ROCK2: variants seen among roughly 807,000 people sequenced by gnomAD.
ROCK2 encodes the protein rho-associated protein kinase 2.
In ROCK2, 61 loss-of-function variants were observed where a neutral mutation model predicts 195.1. The ratio of observed to expected loss-of-function variants is 0.31; its 90% confidence interval spans 0.25 to 0.39. ROCK2 has a LOEUF of 0.39. Among genes scored for constraint, ROCK2 ranks in the 10% least tolerant of loss-of-function variants. The pLI, the probability that ROCK2 is intolerant of heterozygous loss-of-function variation, is 1.00. For missense variants in ROCK2, 1,109 were observed against 1,637.4 expected, an observed-to-expected ratio of 0.68 and a Z score of 5.57; for synonymous variants, 504 against 545.5, an observed-to-expected ratio of 0.92 and a Z score of 1.06.
At chr2:11,191,008 C>A (rs1410990772) in intron 32 of ROCK2, among the ~76,000 whole-genome samples, 2 of 152,094 alleles carry the variant, frequency 1.3e-5, no homozygotes, top group African/African-American at 4.8e-5. Flanking sequence ...CTTTGTCATT[C>A]TAAATTATTT....
At chr2:11,252,813 C>T (rs943648172) in intron 3 of ROCK2, among the ~76,000 whole-genome samples, 3 of 152,076 alleles carry the variant, frequency 2.0e-5, no homozygotes, top group Admixed American at 2.0e-4. Flanking sequence ...GGGTGAGGGG[C>T]TAGAGGAGGG....
chr2:11,282,024 T>C (rs980782066), intron 3 of ROCK2, among the ~76,000 whole-genome samples: 1 of 152,198 alleles, frequency 6.6e-6, no homozygotes, highest in South Asian at 2.1e-4. Flanking sequence ...AAAGTTTATA[T>C]GGAGAAGCAA....
chr2:11,317,604 A>ATTTT lies in ROCK2; in HGVS notation c.141+26391_141+26392insAAAA, dbSNP rs1455941424. ...TATATATATATATATATATATATAT[A>ATTTT]TATATATATTTTTTTTTTTTTTTAA... On this transcript the variant is annotated intron_variant, in intron 1 of 32. Coordinates refer to ENST00000315872, the MANE Select transcript of ROCK2 (RefSeq NM_004850.5). Among the ~76,000 whole-genome samples, 29 of 16,174 alleles carry ATTTT rather than the reference A, an allele frequency of 1.8e-3. 1 individual carries two copies. The highest frequency in any genetic ancestry group is 2.4e-3 in the Non-Finnish European group (19 of 8,058). 10.6% of individuals were successfully genotyped at this position (16,174 alleles called of 152,430 possible). A position where few individuals can be genotyped will look rare whatever the true frequency, so the allele number is the denominator to read the frequency against.
intron 3 of ROCK2, among the ~76,000 whole-genome samples, chr2:11,283,039 G>A (rs1667060680): frequency 1.3e-5 from 2 of 152,172 alleles, no homozygotes; most frequent in African/African-American, 4.8e-5. Context: ...GGCCAAGGTG[G>A]GCAGATTGCC....
chr2:11,256,914 G>GTTGTTCGGAGGTTGAA (rs1342364446), intron 3 of ROCK2, among the ~76,000 whole-genome samples: 4 of 151,290 alleles, frequency 2.6e-5, no homozygotes, highest in Non-Finnish European at 5.9e-5. Context: ...CTTAGTTTAG[G>GTTGTTCGGAGGTTGAA]TTGTTCGGAG....
At chr2:11,330,053 G>T (rs947823533) in intron 1 of ROCK2, among the ~76,000 whole-genome samples, 4 of 152,196 alleles carry the variant, frequency 2.6e-5, no homozygotes, top group African/African-American at 9.6e-5. Flanking sequence ...ATGGAATTAG[G>T]AATTCTCATC....
chr2:11,221,458 A>C, intron 8 of ROCK2, 101 bp from the exon 9 acceptor site: 2 of 847,120 alleles, frequency 2.4e-6, no homozygotes, highest in Non-Finnish European at 3.3e-6. Context: ...AACACTATAT[A>C]AATTTGTAGC....
chr2:11,283,804 C>A (rs1267663969), intron 3 of ROCK2, among the ~76,000 whole-genome samples: 2 of 152,102 alleles, frequency 1.3e-5, no homozygotes, highest in African/African-American at 4.8e-5. Context: ...TCATTCATTG[C>A]TGGTAGGAAT....
intron 3 of ROCK2, among the ~76,000 whole-genome samples, chr2:11,268,141 A>C (rs1299070943): frequency 6.6e-6 from 1 of 152,138 alleles, no homozygotes. Flanking sequence ...AAATAAAGGG[A>C]GCCATGGCTA....
chr2:11,281,431 G>A (rs987922005), intron 3 of ROCK2, among the ~76,000 whole-genome samples: 2 of 152,232 alleles, frequency 1.3e-5, no homozygotes, highest in Admixed American at 6.5e-5. Flanking sequence ...GAAGTAAAGC[G>A]TATACAGATT....
chr2:11,268,423 G>A (rs1035041256), intron 3 of ROCK2, among the ~76,000 whole-genome samples: 4 of 152,072 alleles, frequency 2.6e-5, no homozygotes, highest in Non-Finnish European at 5.9e-5. Flanking sequence ...ATATGCCACA[G>A]CATTCGCTTC....
In ROCK2 at chr2:11,201,789, A is replaced by G. The variant is rs1663861582; in HGVS notation, c.2619+263T>C. 6.6e-6 allele frequency among the ~76,000 whole-genome samples: 1 copy of G among 152,250 alleles called. No individual in the cohort carries two copies. The highest frequency in any genetic ancestry group is 1.5e-5 in the Non-Finnish European group (1 of 68,036). On this transcript the variant is annotated intron_variant, in intron 21 of 32. Coordinates refer to ENST00000315872, the MANE Select transcript of ROCK2 (RefSeq NM_004850.5). The surrounding 1 kb of genome is among the most constrained non-coding windows in gnomAD (Gnocchi z 4.6). ...TTTTAAAACTGATCTCAAAAAAAGC[A>G]CAACTATTAAAATGATAATTTTATT...
rs1009710351 is a variant in ROCK2 at position 11,192,804 on chromosome 2, C to A, written c.3688-92G>T. The A allele has an allele frequency of 7.4e-7, 1 of 1,357,132 alleles. No homozygotes were observed. The highest frequency in any genetic ancestry group is 1.5e-5 in the South Asian group (1 of 67,354). The allele number at this position is 1,357,132 out of a possible 1,614,324, so 84.1% of individuals were successfully genotyped here. ...GATAGTGTAAGTAAAATAAAATTAG[C>A]CTAAATTATTCAAAGAGAAGAAAAT... On this transcript the variant is annotated intron_variant, in intron 30 of 32. Coordinates refer to ENST00000315872, the MANE Select transcript of ROCK2 (RefSeq NM_004850.5). This position sits in a 1 kb window ranked among gnomAD's most constrained non-coding sequence, Gnocchi z 5.0.
intron 1 of ROCK2, among the ~76,000 whole-genome samples, chr2:11,334,251 G>A (rs372742760): frequency 3.3e-5 from 5 of 152,136 alleles, no homozygotes; most frequent in African/African-American, 1.2e-4. Flanking sequence ...AGTGACTTGA[G>A]CCTGTAATCC....
intron 1 of ROCK2, among the ~76,000 whole-genome samples, chr2:11,337,636 CTTT>C (rs200442493): frequency 1.4e-5 from 2 of 143,224 alleles, no homozygotes; most frequent in African/African-American, 2.5e-5. Flanking sequence ...CTGGCAGTTT[CTTT>C]TTTTTTTTTT....
chr2:11,205,102 A>G lies in ROCK2; in HGVS notation c.2549+2624T>C, dbSNP rs75122273. On this transcript the variant is annotated intron_variant, in intron 20 of 32. Transcript: ENST00000315872. ...GGGACCCCTAAATGCCAGAGTGAGA[A>G]AGGCTTTTCACCCCATATTAGCTGT... Among the ~76,000 whole-genome samples, 221 of 152,304 alleles carry G rather than the reference A, an allele frequency of 1.5e-3. 1 individual carries two copies. Among genetic ancestry groups the G allele is most frequent in the Non-Finnish European group, 2.9e-3 (195 of 68,024 alleles).
rs1372272998 is a variant in ROCK2, at chr2:11,182,629, G to A, written c.*808C>T. The stretch of plus-strand genomic sequence containing the variant: ...CACAAAGCTAGTTTACATCCTAAGA[G>A]CTGGTAAACGCTTTTTTTGTTTTTT... On this transcript the variant is annotated 3_prime_UTR_variant, in exon 33 of 33. Coordinates refer to ENST00000315872, the MANE Select transcript of ROCK2 (RefSeq NM_004850.5). 2 of 152,554 alleles carry A rather than the reference G, an allele frequency of 1.3e-5. No individual in the cohort carries two copies. The highest frequency in any genetic ancestry group is 1.9e-4 in the East Asian group (1 of 5,200). The allele number at this position is 152,554 out of a possible 1,614,324, so 9.5% of individuals were successfully genotyped here.
At chr2:11,198,654 A>G (rs755173753) in intron 24 of ROCK2, 27 bp downstream of exon 24, 14 of 1,577,196 alleles carry the variant, frequency 8.9e-6, no homozygotes, top group Admixed American at 5.2e-5. Flanking sequence ...GGTATATTAA[A>G]AATAAACATT....
chr2:11,206,892 TTAGTTG>T (rs1160607692), intron 20 of ROCK2, among the ~76,000 whole-genome samples: 2 of 152,228 alleles, frequency 1.3e-5, no homozygotes, highest in Non-Finnish European at 2.9e-5. Context: ...CCGATGTTGG[TTAGTTG>T]GTAAGTAACA....
Sources: gnomAD v4.1 joint callset for allele counts (sites outside exome capture counted in the v4.1 genomes callset) on GRCh38, gnomAD v4.1.1 for gene constraint, Gnocchi (gnomAD v3.1) non-coding constraint, MANE v1.5 for transcripts, NCBI Gene and HGNC (gene_info 2026-07-23, HGNC 2026-07-21) for gene names.